FOXP1: variants seen among roughly 807,000 people sequenced by gnomAD.
FOXP1 encodes the protein forkhead box P1.
Under a neutral mutation model 98.2 loss-of-function variants are expected in FOXP1, and 15 were observed. The observed-to-expected ratio is 0.15, with a 90% CI of 0.10 to 0.24. The LOEUF is 0.24. FOXP1 is among the 10% of genes least tolerant of loss of function. The pLI is 1.00. For synonymous variants in FOXP1, 371 were observed against 314.5 expected (o/e 1.18, Z -1.90); for missense variants, 633 against 848.5 (o/e 0.75, Z 3.15).
chr3:71,047,873 A>C (rs964786703), intron 9 of FOXP1, among the ~76,000 whole-genome samples: 1 of 152,204 alleles, frequency 6.6e-6, no homozygotes, highest in African/African-American at 2.4e-5. Context: ...TGTTGATTGG[A>C]CAATGACAGG....
chr3:71,031,919 T>C (rs755777199), intron 11 of FOXP1, among the ~76,000 whole-genome samples: 1 of 152,232 alleles, frequency 6.6e-6, no homozygotes, highest in Non-Finnish European at 1.5e-5. Context: ...GTGTGTTTCA[T>C]GCACTAGAAT....
At chr3:71,389,481 G>T (rs533141842) in intron 3 of FOXP1, among the ~76,000 whole-genome samples, 1 of 152,102 alleles carries the variant, frequency 6.6e-6, no homozygotes, top group East Asian at 1.9e-4. Flanking sequence ...ACAACGACGT[G>T]TACAAAACAA....
chr3:71,110,355 T>C (rs1559948519), intron 7 of FOXP1, among the ~76,000 whole-genome samples: 1 of 152,214 alleles, frequency 6.6e-6, no homozygotes, highest in Non-Finnish European at 1.5e-5. Context: ...TGTGTATGTG[T>C]GTGTTTTTTT....
intron 6 of FOXP1, among the ~76,000 whole-genome samples, chr3:71,127,538 G>A (rs1171381755): frequency 6.6e-6 from 1 of 152,098 alleles, no homozygotes; most frequent in African/African-American, 2.4e-5. Context: ...TCAACATCAT[G>A]CACTAGCTAT....
At chr3:71,124,539 T>C (rs781031636) in intron 6 of FOXP1, among the ~76,000 whole-genome samples, 18 of 151,934 alleles carry the variant, frequency 1.2e-4, no homozygotes, top group Admixed American at 2.6e-4. Flanking sequence ...GTTTCAAATA[T>C]CACTATTACA....
At chr3:71,349,351 T>C (rs2077618114) in intron 4 of FOXP1, among the ~76,000 whole-genome samples, 1 of 152,218 alleles carries the variant, frequency 6.6e-6, no homozygotes, top group Non-Finnish European at 1.5e-5. Flanking sequence ...TACCCATAAA[T>C]GTAAATTTGT....
intron 2 of FOXP1, among the ~76,000 whole-genome samples, chr3:71,524,800 T>C (rs915476411): frequency 2.0e-5 from 3 of 152,200 alleles, no homozygotes; most frequent in Non-Finnish European, 4.4e-5. Flanking sequence ...GACCTCAAGA[T>C]ATCTACTTGA....
intron 12 of FOXP1, among the ~76,000 whole-genome samples, chr3:71,008,649 T>A (rs888589088): frequency 6.6e-6 from 1 of 152,072 alleles, no homozygotes; most frequent in Non-Finnish European, 1.5e-5. Flanking sequence ...ATGCATACAA[T>A]AGACTGGGTA....
intron 3 of FOXP1, among the ~76,000 whole-genome samples, chr3:71,378,043 C>CA (rs1308286803): frequency 7.1e-6 from 1 of 140,894 alleles, no homozygotes; most frequent in East Asian, 2.0e-4. Context: ...AGAAATAACT[C>CA]AAAGATTCCT....
chr3:71,146,892 C>T (rs58874807), intron 6 of FOXP1, among the ~76,000 whole-genome samples: 52,448 of 152,070 alleles, frequency 0.34, 9,673 homozygotes, highest in East Asian at 0.61. Flanking sequence ...CTGAGCACAG[C>T]GCGGGGAACA....
chr3:71,476,657 A>ATTTTTTTT (rs55733297), intron 3 of FOXP1, among the ~76,000 whole-genome samples: 3 of 134,480 alleles, frequency 2.2e-5, no homozygotes, highest in South Asian at 2.3e-4. Flanking sequence ...TGCCCAGCTA[A>ATTTTTTTT]TTTTTTTTTT....
chr3:71,237,003 G>A (rs2066841861), intron 5 of FOXP1, among the ~76,000 whole-genome samples: 2 of 151,334 alleles, frequency 1.3e-5, no homozygotes, highest in African/African-American at 4.8e-5. Context: ...AAAGGCCGAG[G>A]CGGGCAAATC....
At chr3:71,143,618 G>A (rs1290751486) in intron 6 of FOXP1, among the ~76,000 whole-genome samples, 1 of 152,174 alleles carries the variant, frequency 6.6e-6, no homozygotes, top group Non-Finnish European at 1.5e-5. Context: ...ATTAGGCTGG[G>A]CACAGTGGCT....
chr3:71,208,041 C>T (rs1288131111), intron 5 of FOXP1, among the ~76,000 whole-genome samples: 5 of 152,324 alleles, frequency 3.3e-5, no homozygotes, highest in Non-Finnish European at 2.9e-5. Flanking sequence ...GTTAAAATAT[C>T]TTCATTTATG....
rs112781712 is a variant in FOXP1 at position 71,150,678 on chromosome 3, C to CT, written c.181-38042dup. ...TTCCCCTTTGTTAAAAAAAAGCACTCTAATTTAAATTAATGAGTTAAGTTT... is the reference window on the plus strand; with the variant it reads ...TTCCCCTTTGTTAAAAAAAAGCACTCTTAATTTAAATTAATGAGTTAAGTTT... On this transcript the variant is annotated intron_variant, in intron 6 of 20. Coordinates refer to ENST00000649528, the MANE Select transcript of FOXP1 (RefSeq NM_001349338.3). Among the ~76,000 whole-genome samples the CT allele has an allele frequency of 2.9e-3, 442 of 152,250 alleles. 5 individuals are homozygous for CT. Among genetic ancestry groups the CT allele is most frequent in the African/African-American group, 9.5e-3 (393 of 41,538 alleles).
At chr3:71,388,327 T>C (rs150488285) in intron 3 of FOXP1, among the ~76,000 whole-genome samples, 3 of 152,340 alleles carry the variant, frequency 2.0e-5, no homozygotes, top group Admixed American at 1.3e-4. Flanking sequence ...TAGCAGTGAT[T>C]TGAAAACTAT....
At chr3:71,327,451 G>A (rs1172316995) in intron 4 of FOXP1, among the ~76,000 whole-genome samples, 5 of 139,960 alleles carry the variant, frequency 3.6e-5, no homozygotes, top group Admixed American at 2.3e-4. Flanking sequence ...GCAGTGGTGC[G>A]ATCTCAGCTC....
chr3:71,513,853 C>T (rs1350131809), intron 2 of FOXP1, among the ~76,000 whole-genome samples: 1 of 152,214 alleles, frequency 6.6e-6, no homozygotes, highest in African/African-American at 2.4e-5. Context: ...CCTGCCACAA[C>T]TCTTAAGGCT....
intron 6 of FOXP1, among the ~76,000 whole-genome samples, chr3:71,161,371 T>C (rs1386449366): frequency 6.6e-6 from 1 of 152,176 alleles, no homozygotes; most frequent in Non-Finnish European, 1.5e-5. Context: ...TGTCTCTTTC[T>C]CTTTCTCATC....
Sources: gnomAD v4.1 joint callset for allele counts (sites outside exome capture counted in the v4.1 genomes callset) on GRCh38, gnomAD v4.1.1 for gene constraint, MANE v1.5 for transcripts, NCBI Gene and HGNC (gene_info 2026-07-23, HGNC 2026-07-21) for gene names.